Variants in DLG2 observed in about 807,000 individuals in gnomAD.
DLG2 encodes disks large homolog 2.
DLG2 carries 45 observed loss-of-function variants against 132.5 expected under a neutral mutation model. That is an observed-to-expected ratio of 0.34 (90% CI 0.27 to 0.44). The LOEUF (loss-of-function observed/expected upper bound fraction) is 0.44. DLG2 is among the 20% of genes least tolerant of loss of function. The probability of loss-of-function intolerance (pLI) is 1.00; values close to 1 mark genes in which losing one functional copy is unlikely to be tolerated. For synonymous variants in DLG2, 424 were observed against 419.6 expected (o/e 1.01, Z -0.13); for missense variants, 1,045 against 1,196.9 (o/e 0.87, Z 1.87).
chr11:84,004,619 A>C (rs2154052754), intron 11 of DLG2, among the ~76,000 whole-genome samples: 1 of 152,180 alleles, frequency 6.6e-6, no homozygotes, highest in African/African-American at 2.4e-5. Flanking sequence ...ATAAAAAATC[A>C]GTAGCATTTC....
At chr11:83,533,004 C>T (rs866749828) in intron 20 of DLG2, among the ~76,000 whole-genome samples, 95 of 151,896 alleles carry the variant, frequency 6.3e-4, no homozygotes, top group African/African-American at 2.1e-3. Context: ...CTGAGAGTCA[C>T]GTCATGGTAT....
At chr11:84,949,039 G>A (rs953673829) in intron 6 of DLG2, among the ~76,000 whole-genome samples, 8 of 152,086 alleles carry the variant, frequency 5.3e-5, no homozygotes, top group African/African-American at 1.2e-4. Flanking sequence ...CGGAGGACCC[G>A]CCCCGAAAAT....
intron 8 of DLG2, among the ~76,000 whole-genome samples, chr11:84,193,234 C>T (rs1024834954): frequency 1.3e-5 from 2 of 152,188 alleles, no homozygotes; most frequent in African/African-American, 2.4e-5. Context: ...AGGAAGGGAA[C>T]ATTCACTACA....
intron 6 of DLG2, among the ~76,000 whole-genome samples, chr11:85,015,023 T>C (rs1275864340): frequency 6.6e-6 from 1 of 152,148 alleles, no homozygotes. Context: ...CCTGTACTTG[T>C]ATTTTAAGCC....
intron 19 of DLG2, among the ~76,000 whole-genome samples, chr11:83,542,789 C>T (rs139572803): frequency 6.6e-6 from 1 of 152,218 alleles, no homozygotes; most frequent in Non-Finnish European, 1.5e-5. Context: ...CTGTATATCC[C>T]ATTTTCAAAA....
intron 7 of DLG2, among the ~76,000 whole-genome samples, chr11:84,502,318 CT>C (rs1291685980): frequency 2.2e-4 from 2 of 9,210 alleles, no homozygotes; most frequent in African/African-American, 7.8e-4. Flanking sequence ...TTCTTTCTTT[CT>C]TTCTTTCTTT....
intron 7 of DLG2, among the ~76,000 whole-genome samples, chr11:84,328,306 A>G (rs550355394): frequency 6.6e-6 from 1 of 151,834 alleles, no homozygotes; most frequent in Admixed American, 6.6e-5. Flanking sequence ...GAAGGAAGGA[A>G]GGAAGGGTGG....
intron 7 of DLG2, among the ~76,000 whole-genome samples, chr11:84,326,666 A>G (rs1414883202): frequency 1.3e-5 from 2 of 152,156 alleles, no homozygotes; most frequent in East Asian, 3.8e-4. Context: ...AAAATGTTCC[A>G]TGTGCGCTTC....
intron 6 of DLG2, among the ~76,000 whole-genome samples, chr11:84,862,162 T>C (rs2083808821): frequency 6.6e-6 from 1 of 151,950 alleles, no homozygotes; most frequent in South Asian, 2.1e-4. Flanking sequence ...ATTGTGCACA[T>C]GTACCCTAAA....
At chr11:84,600,223 A>AGAAAGAAAGAAG (rs2099573532) in intron 6 of DLG2, among the ~76,000 whole-genome samples, 1 of 129,242 alleles carries the variant, frequency 7.7e-6, no homozygotes, top group African/African-American at 3.5e-5. Flanking sequence ...AAAGAAAGAA[A>AGAAAGAAAGAAG]GAGAAAGAAA....
chr11:84,961,520 G>A (rs1270134599), intron 6 of DLG2, among the ~76,000 whole-genome samples: 1 of 125,682 alleles, frequency 8.0e-6, no homozygotes, highest in Non-Finnish European at 1.6e-5. Context: ...CCTAAGAATT[G>A]TATCTTTGTG....
At chr11:84,119,863 A>G (rs899251172) in intron 9 of DLG2, among the ~76,000 whole-genome samples, 1 of 152,224 alleles carries the variant, frequency 6.6e-6, no homozygotes, top group Non-Finnish European at 1.5e-5. Flanking sequence ...TTCTAAACAA[A>G]TACAAATGCA....
At chr11:84,997,762 A>T (rs756628565) in intron 6 of DLG2, 14 of 152,220 alleles carry the variant, frequency 9.2e-5, no homozygotes, top group Non-Finnish European at 1.6e-4. Flanking sequence ...CAGCCTCTTT[A>T]GCATGGCAGG....
At chr11:84,107,400 C>T (rs958914587) in intron 9 of DLG2, among the ~76,000 whole-genome samples, 6 of 152,100 alleles carry the variant, frequency 3.9e-5, no homozygotes, top group Non-Finnish European at 8.8e-5. Flanking sequence ...TTACAATATG[C>T]ATGCATTATA....
intron 3 of DLG2, among the ~76,000 whole-genome samples, chr11:85,556,042 T>A (rs994785423): frequency 1.1e-4 from 16 of 151,782 alleles, no homozygotes; most frequent in Admixed American, 4.6e-4. Context: ...CTATTGTCAG[T>A]CATTTCAATA....
intron 6 of DLG2, among the ~76,000 whole-genome samples, chr11:84,988,706 T>G (rs1194840133): frequency 6.6e-6 from 1 of 152,138 alleles, no homozygotes; most frequent in African/African-American, 2.4e-5. Flanking sequence ...CAATGAACTT[T>G]GAGAACTCAG....
intron 6 of DLG2, among the ~76,000 whole-genome samples, chr11:84,587,637 A>G (rs1407837089): frequency 6.6e-6 from 1 of 152,228 alleles, no homozygotes; most frequent in East Asian, 1.9e-4. Context: ...AGTGCATCTG[A>G]TGGCAGACTT....
At chr11:85,367,748 A>T (rs952405926) in intron 3 of DLG2, among the ~76,000 whole-genome samples, 3 of 152,192 alleles carry the variant, frequency 2.0e-5, no homozygotes, top group Non-Finnish European at 4.4e-5. Context: ...TGCCTAGAAC[A>T]TAGCTCATTA....
At chr11:85,347,289 C>T (rs1297955176) in intron 3 of DLG2, among the ~76,000 whole-genome samples, 2 of 151,970 alleles carry the variant, frequency 1.3e-5, no homozygotes, top group African/African-American at 4.8e-5. Flanking sequence ...GGGAGGGGCT[C>T]TCTCTGGAAT....
Sources: gnomAD v4.1 joint callset for allele counts (sites outside exome capture counted in the v4.1 genomes callset) on GRCh38, gnomAD v4.1.1 for gene constraint, MANE v1.5 for transcripts, NCBI Gene and HGNC (gene_info 2026-07-23, HGNC 2026-07-21) for gene names.